The following ZEB1 variants were observed in gnomAD, a reference collection of about 807,000 sequenced individuals.
ZEB1 encodes the protein zinc finger E-box binding homeobox 1.
A neutral mutation model predicts 84.9 loss-of-function variants in ZEB1; 21 were observed. That is an observed-to-expected ratio of 0.25 (90% CI 0.18 to 0.36). The LOEUF is 0.36. Ranked by LOEUF, ZEB1 falls within the 10% of genes least tolerant of loss-of-function variation. The pLI is 1.00. For missense variants in ZEB1, 1,104 were observed against 1,330.2 expected, an observed-to-expected ratio of 0.83 and a Z score of 2.65; for synonymous variants, 420 against 471.1, an observed-to-expected ratio of 0.89 and a Z score of 1.41.
At chr10:31,320,168 C>G (rs1284180916) in intron 1 of ZEB1, 3 of 150,962 alleles carry the variant, frequency 2.0e-5, no homozygotes, top group Non-Finnish European at 4.4e-5. Context: ...CCACGTTTGG[C>G]GGGGCGCGGC....
At chr10:31,515,679 C>A (rs1038397980) in intron 6 of ZEB1, among the ~76,000 whole-genome samples, 1 of 152,130 alleles carries the variant, frequency 6.6e-6, no homozygotes, top group African/African-American at 2.4e-5. Flanking sequence ...AAGGCTAACC[C>A]TCAATGTTAA....
chr10:31,397,159 T>TTTTTTA (rs1554838440), intron 1 of ZEB1, among the ~76,000 whole-genome samples: 45 of 128,362 alleles, frequency 3.5e-4, no homozygotes, highest in African/African-American at 6.9e-4. Flanking sequence ...TCTTGGGTTT[T>TTTTTTA]TTATTATTAT....
intron 4 of ZEB1, among the ~76,000 whole-genome samples, chr10:31,504,020 G>A (rs1009622921): frequency 4.0e-5 from 6 of 151,794 alleles, no homozygotes; most frequent in Admixed American, 3.9e-4. Context: ...CTGAGTCTTA[G>A]CAATAAAGTC....
chr10:31,370,462 G>A (rs549083121), intron 1 of ZEB1, among the ~76,000 whole-genome samples: 10 of 152,248 alleles, frequency 6.6e-5, no homozygotes, highest in Non-Finnish European at 8.8e-5. Flanking sequence ...TTTAGAGAGA[G>A]TTTTGATAAA....
chr10:31,366,936 C>T (rs1205646060), intron 1 of ZEB1, among the ~76,000 whole-genome samples: 3 of 152,276 alleles, frequency 2.0e-5, no homozygotes, highest in East Asian at 3.9e-4. Flanking sequence ...ATTCCACATA[C>T]AGTTAGTGCT....
chr10:31,519,146 G>A (rs2071770599), intron 6 of ZEB1, among the ~76,000 whole-genome samples: 3 of 152,146 alleles, frequency 2.0e-5, no homozygotes, highest in Non-Finnish European at 1.5e-5. Flanking sequence ...ATGGGTGCAA[G>A]GGATAAATGG....
chr10:31,464,469 G>A (rs956370934), intron 2 of ZEB1, among the ~76,000 whole-genome samples: 3 of 152,102 alleles, frequency 2.0e-5, no homozygotes, highest in Non-Finnish European at 4.4e-5. Context: ...AGAAATAATG[G>A]CTGAGGTTTT....
chr10:31,512,383 A>T (rs2070244564), intron 5 of ZEB1, among the ~76,000 whole-genome samples: 1 of 152,228 alleles, frequency 6.6e-6, no homozygotes, highest in Non-Finnish European at 1.5e-5. Context: ...CAAATGTAGT[A>T]GGATTTACAT....
In ZEB1 at chr10:31,397,159, T is replaced by A. The variant is rs113391244; in HGVS notation, c.59-63878T>A. Reference sequence around the variant, plus strand: ...TCCCGAGAAGCTTCATCTTGGGTTTTTTATTATTATTATTATTATTATTAT... The same window carrying A: ...TCCCGAGAAGCTTCATCTTGGGTTTATTATTATTATTATTATTATTATTAT... On this transcript the variant is annotated intron_variant, in intron 1 of 8. Coordinates refer to ENST00000424869, the MANE Select transcript of ZEB1 (RefSeq NM_001174096.2). Among the ~76,000 whole-genome samples the A allele has an allele frequency of 3.2e-3, 414 of 128,358 alleles. 1 individual carries two copies. The highest frequency in any genetic ancestry group is 0.011 in the African/African-American group (376 of 33,586). The allele number at this position is 128,358 out of a possible 152,430, so 84.2% of individuals were successfully genotyped here. A position where few individuals can be genotyped will look rare whatever the true frequency, so the allele number is the denominator to read the frequency against.
At chr10:31,487,750 T>C (rs954052684) in intron 2 of ZEB1, among the ~76,000 whole-genome samples, 1 of 151,412 alleles carries the variant, frequency 6.6e-6, no homozygotes, top group Non-Finnish European at 1.5e-5. Flanking sequence ...TAATGTTAAC[T>C]GTAGGTTTCT....
intron 1 of ZEB1, among the ~76,000 whole-genome samples, chr10:31,458,336 TTGTG>T (rs770656843): frequency 1.8e-3 from 180 of 102,262 alleles, no homozygotes; most frequent in East Asian, 0.012. Context: ...TGTGTGTGTG[TTGTG>T]TGTGTGTGTG....
intron 1 of ZEB1, among the ~76,000 whole-genome samples, chr10:31,386,464 T>C (rs955309352): frequency 6.6e-6 from 1 of 152,018 alleles, no homozygotes; most frequent in East Asian, 1.9e-4. Flanking sequence ...CTTAAGAATA[T>C]TGACTAATCG....
chr10:31,462,265 A>C (rs1420541968), intron 2 of ZEB1, among the ~76,000 whole-genome samples: 2 of 152,160 alleles, frequency 1.3e-5, no homozygotes, highest in African/African-American at 4.8e-5. Flanking sequence ...TTAACAAGGG[A>C]CTTTTGAAAT....
chr10:31,490,584 T>C (rs1372509285), intron 2 of ZEB1, among the ~76,000 whole-genome samples: 1 of 151,776 alleles, frequency 6.6e-6, no homozygotes, highest in East Asian at 1.9e-4. Context: ...TTCCATTCTT[T>C]TCAACAGTGT....
intron 1 of ZEB1, among the ~76,000 whole-genome samples, chr10:31,331,081 C>CTTT (rs548615284): frequency 0.028 from 2,211 of 77,826 alleles, 215 homozygotes; most frequent in African/African-American, 0.058. Flanking sequence ...TTCTTTCTTT[C>CTTT]TTTTTTTTTT....
intron 1 of ZEB1, among the ~76,000 whole-genome samples, chr10:31,342,128 G>A (rs1231733773): frequency 2.0e-5 from 3 of 152,186 alleles, no homozygotes; most frequent in Non-Finnish European, 4.4e-5. Context: ...ATAAGAGCAA[G>A]GTGGGTATGC....
intron 1 of ZEB1, chr10:31,363,750 G>A (rs371677375): frequency 1.8e-5 from 22 of 1,219,902 alleles, no homozygotes; most frequent in East Asian, 5.1e-5. Context: ...TCTTCCTTGA[G>A]GGGGGGCTCC....
At chr10:31,357,814 A>C (rs989526819) in intron 1 of ZEB1, among the ~76,000 whole-genome samples, 4 of 152,158 alleles carry the variant, frequency 2.6e-5, no homozygotes, top group Admixed American at 1.3e-4. Context: ...CCAGTGGCTC[A>C]GTGATTTTTT....
At chr10:31,467,150 G>A (rs902479099) in intron 2 of ZEB1, among the ~76,000 whole-genome samples, 3 of 149,290 alleles carry the variant, frequency 2.0e-5, no homozygotes, top group South Asian at 2.1e-4. Flanking sequence ...GAAGAAACCC[G>A]GGAACACCAC....
Sources: gnomAD v4.1 joint callset for allele counts (sites outside exome capture counted in the v4.1 genomes callset) on GRCh38, gnomAD v4.1.1 for gene constraint, MANE v1.5 for transcripts, NCBI Gene and HGNC (gene_info 2026-07-23, HGNC 2026-07-21) for gene names.